ZNF519: variants seen among roughly 807,000 people sequenced by gnomAD.
The protein encoded by ZNF519 is zinc finger protein 519.
In ZNF519, 7 loss-of-function variants were observed where a neutral mutation model predicts 7.4. That is an observed-to-expected ratio of 0.94 (90% confidence interval 0.54 to 1.77). The LOEUF (loss-of-function observed/expected upper bound fraction) is 1.77. ZNF519 is among the 40% of genes most tolerant of loss of function. The pLI, the probability that ZNF519 is intolerant of heterozygous loss-of-function variation, is 0.00. For missense variants in ZNF519, 586 were observed against 623.1 expected, an observed-to-expected ratio of 0.94 and a Z score of 0.63; for synonymous variants, 179 against 203.3, an observed-to-expected ratio of 0.88 and a Z score of 1.02.
At position 14,113,953 on chromosome 18, in the gene ZNF519, A is replaced by G. The variant is rs1427650544; in HGVS notation, c.131-7544T>C. ...GTATGCCCTCTTTAGAGAAATGTCT[A>G]TTCACATTTTTTGCTCATTTTTAAT... On this transcript the variant is annotated intron_variant, in intron 2 of 2. Coordinates refer to ENST00000590202, the MANE Select transcript of ZNF519 (RefSeq NM_145287.4). Among the ~76,000 whole-genome samples the G allele has an allele frequency of 3.9e-5, 6 of 152,146 alleles. 1 individual carries two copies. The highest frequency in any genetic ancestry group is 3.3e-4 in the Admixed American group (5 of 15,276).
Position 14,101,855 on chromosome 18 carries a change from A to G in ZNF519, c.*3062T>C, listed in dbSNP as rs2046163563. 2.5e-6 allele frequency: 1 copy of G among 397,638 alleles called. No homozygotes were observed. Among genetic ancestry groups the G allele is most frequent in the Non-Finnish European group, 4.4e-6 (1 of 225,786 alleles). 24.6% of individuals were successfully genotyped at this position (397,638 alleles called of 1,614,324 possible). On this transcript the variant is annotated 3_prime_UTR_variant, in exon 3 of 3. Transcript: ENST00000590202. ...CTGGCCTCTTCTGTCGAGTCTTTCC[A>G]TTCCCCAAATCAGGCACAGACCAGA...
downstream of ZNF519, among the ~76,000 whole-genome samples, chr18:14,095,915 G>A (rs560692792): frequency 6.6e-6 from 1 of 152,370 alleles, no homozygotes; most frequent in East Asian, 1.9e-4. Flanking sequence ...AGCCCTGGGT[G>A]CTCTTGTGGC....
rs139492401 is a variant in ZNF519 at position 14,109,974 on chromosome 18, T to C, written c.131-3565A>G. 6.7e-4 allele frequency among the ~76,000 whole-genome samples: 102 copies of C among 152,216 alleles called. 1 individual carries two copies. The highest frequency in any genetic ancestry group is 6.8e-3 in the Middle Eastern group (2 of 294). ...CTATAGCTACCAAAACAGCATGGTA[T>C]TGCTATTAAAATAGACACATAGACC... On this transcript the variant is annotated intron_variant, in intron 2 of 2. Coordinates refer to ENST00000590202, the MANE Select transcript of ZNF519 (RefSeq NM_145287.4).
Position 14,099,989 on chromosome 18 carries a change from A to G in ZNF519, c.*4928T>C, listed in dbSNP as rs553100936. The G allele has an allele frequency of 6.6e-6, 1 of 152,348 alleles. No individual in the cohort carries two copies. Among genetic ancestry groups the G allele is most frequent in the East Asian group, 1.9e-4 (1 of 5,192 alleles). 9.4% of individuals were successfully genotyped at this position (152,348 alleles called of 1,614,324 possible). On this transcript the variant is annotated 3_prime_UTR_variant, in exon 3 of 3. Transcript: ENST00000590202. ...TTATTGCCTATGTGAGCTAGTAACC[A>G]GAATATAAACAGAACTCTCAAAACT...
intron 2 of ZNF519, among the ~76,000 whole-genome samples, chr18:14,087,437 A>C (rs185490229): frequency 1.3e-5 from 2 of 152,204 alleles, no homozygotes; most frequent in African/African-American, 4.8e-5. Context: ...TGAATGTGAA[A>C]ATTTTATAAA....
intron 2 of ZNF519, among the ~76,000 whole-genome samples, chr18:14,087,331 T>G (rs1301627577): frequency 6.6e-6 from 1 of 152,234 alleles, no homozygotes; most frequent in Non-Finnish European, 1.5e-5. Context: ...CTGAAAGTCC[T>G]AGCCAGACCA....
chr18:14,092,509 A>G (rs16941592), intron 2 of ZNF519, among the ~76,000 whole-genome samples: 3,350 of 152,228 alleles, frequency 0.022, 125 homozygotes, highest in African/African-American at 0.074. Flanking sequence ...GATGACGTGC[A>G]AGGCCTGAGA....
intron 2 of ZNF519, among the ~76,000 whole-genome samples, chr18:14,116,908 G>A (rs754072184): frequency 3.3e-5 from 5 of 152,154 alleles, no homozygotes; most frequent in Non-Finnish European, 7.3e-5. Context: ...CTACTCAGGA[G>A]GCTGAGGCAG....
chr18:14,122,270 C>G (rs1365923947), intron 2 of ZNF519: 2 of 152,040 alleles, frequency 1.3e-5, no homozygotes, highest in African/African-American at 2.4e-5. Context: ...TAGAAAAATG[C>G]TTATTGTTCT....
In ZNF519 at chr18:14,105,368, A is replaced by T. The variant is rs772097945; in HGVS notation, c.1172T>A (p.Val391Asp). The change falls in exon 3 of 3, where the codon GTT becomes GAT. Residue 391 changes from valine (V) to aspartate (D), a missense_variant. Transcript: ENST00000590202. ...CGKAFNRSSYVTQHQRMHTGE... is the reference protein window; with the variant it reads ...CGKAFNRSSYDTQHQRMHTGE... ...AGTATGCATTCTCTGATGCTGAGTA[A>T]CGTATGAGCTTCTATTAAAGGCTTT... The T allele has an allele frequency of 1.5e-5, 24 of 1,613,834 alleles. No individual in the cohort carries two copies. In the Admixed American group the frequency reaches 3.5e-4, roughly 24 times the overall value.
intron 1 of ZNF519, among the ~76,000 whole-genome samples, chr18:14,130,968 C>T (rs1199803709): frequency 6.6e-6 from 1 of 152,084 alleles, no homozygotes; most frequent in Non-Finnish European, 1.5e-5. Context: ...ACTCCCATCC[C>T]TCAGTGTGTC....
chr18:14,123,780 T>G (rs957487549), intron 2 of ZNF519, among the ~76,000 whole-genome samples: 7 of 152,118 alleles, frequency 4.6e-5, no homozygotes, highest in African/African-American at 1.7e-4. Context: ...AACAATATTT[T>G]ATGTCATTCA....
In ZNF519 at chr18:14,103,942, G is replaced by A. The variant is rs774328464; in HGVS notation, c.*975C>T. On this transcript the variant is annotated 3_prime_UTR_variant, in exon 3 of 3. Transcript: ENST00000590202. ...ACTGAATAAAGCATTTCAAAATCCAGTTTCCTCAATCATCAAAATTACAGA... is the reference window on the plus strand; with the variant it reads ...ACTGAATAAAGCATTTCAAAATCCAATTTCCTCAATCATCAAAATTACAGA... The A allele has an allele frequency of 2.2e-4, 34 of 152,040 alleles. No individual in the cohort carries two copies. Among genetic ancestry groups the A allele is most frequent in the Non-Finnish European group, 4.3e-4 (29 of 67,970 alleles). 9.4% of individuals were successfully genotyped at this position (152,040 alleles called of 1,614,324 possible).
Position 14,105,791 on chromosome 18 carries a change from G to C in ZNF519, c.749C>G (p.Ser250Ter). 3 of 1,609,550 alleles carry C rather than the reference G, an allele frequency of 1.9e-6. No individual in the cohort carries two copies. In the Admixed American group the frequency reaches 5.1e-5, roughly 27 times the overall value. ...NKKCIIVFSQ[S>*]HLKGHKIINT... ...AATTATCTTATGTCCCTTTAGATGT[G>C]ATTGACTAAAGACTATTATACATTT... is the stretch of plus-strand genomic sequence containing the variant. The change falls in exon 3 of 3, where the codon TCA (serine) becomes TGA (stop). Residue 250 changes from serine (S) to a stop codon, truncating the protein, a stop_gained. Transcript: ENST00000590202. LOFTEE classifies it low-confidence loss of function (END_TRUNC).
intron 2 of ZNF519, among the ~76,000 whole-genome samples, chr18:14,093,580 T>C (rs948379775): frequency 1.3e-5 from 2 of 152,030 alleles, no homozygotes; most frequent in African/African-American, 4.8e-5. Context: ...AAATTAAGAG[T>C]TTAATTGAGC....
chr18:14,074,870 C>A (rs2046041612), downstream of ZNF519: 1 of 152,334 alleles, frequency 6.6e-6, no homozygotes, highest in African/African-American at 2.4e-5. Flanking sequence ...CAGCACCCCA[C>A]TCTACTGATA....
chr18:14,117,367 A>G (rs186962079), intron 2 of ZNF519, among the ~76,000 whole-genome samples: 1 of 152,322 alleles, frequency 6.6e-6, no homozygotes, highest in African/African-American at 2.4e-5. Context: ...CAAAACCACA[A>G]TGAGATACTA....
intron 3 of ZNF519, among the ~76,000 whole-genome samples, chr18:14,083,516 C>A (rs2046077842): frequency 6.6e-6 from 1 of 152,112 alleles, no homozygotes; most frequent in African/African-American, 2.4e-5. Context: ...TTTTGAAAAG[C>A]AATTATGAAA....
At chr18:14,092,892 G>T (rs1240581100) in intron 2 of ZNF519, among the ~76,000 whole-genome samples, 1 of 152,144 alleles carries the variant, frequency 6.6e-6, no homozygotes, top group East Asian at 1.9e-4. Flanking sequence ...CACTTACATG[G>T]TTTCTATCAG....
Sources: allele counts gnomAD v4.1 joint callset (sites outside exome capture counted in the v4.1 genomes callset), GRCh38; gene constraint gnomAD v4.1.1; transcripts MANE v1.5; gene names NCBI Gene and HGNC (gene_info 2026-07-23, HGNC 2026-07-21).